ZNF714: variants seen among roughly 807,000 people sequenced by gnomAD.
ZNF714 encodes the protein zinc finger protein 714.
ZNF714 carries 32 observed loss-of-function variants against 46.2 expected under a neutral mutation model. The observed-to-expected ratio is 0.69, with a 90% CI of 0.52 to 0.93. The LOEUF is 0.93. Ranked by LOEUF, ZNF714 falls within the 40% of genes least tolerant of loss-of-function variation. ZNF714 has a pLI of 0.00. For synonymous variants in ZNF714, 199 were observed against 213.1 expected, an observed-to-expected ratio of 0.93 and a Z score of 0.58; for missense variants, 635 against 646.3, an observed-to-expected ratio of 0.98 and a Z score of 0.19.
intron 2 of ZNF714, among the ~76,000 whole-genome samples, chr19:21,096,804 G>T (rs1202772139): frequency 6.6e-6 from 1 of 152,128 alleles, no homozygotes; most frequent in Admixed American, 6.6e-5. Context: ...TTCTCCATTA[G>T]CTCTATGCAG....
rs554446762 is a variant in ZNF714 at position 21,118,056 on chromosome 19, A to T, written c.1392A>T (p.Arg464=). ...AAGAATGTGGCAAAGCTTTCAACCG[A>T]TCCTCAAACCTTACTAAACATAACA... is the stretch of plus-strand genomic sequence containing the variant. ...KCEECGKAFN[R]SSNLTKHNII... is the part of the protein sequence containing the mutation. The change falls in exon 5 of 5, where the codon CGA becomes CGT. Residue 464 remains arginine, a synonymous_variant. Coordinates refer to ENST00000456283, the MANE Select transcript of ZNF714 (RefSeq NM_182515.4). 1.2e-6 allele frequency: 2 copies of T among 1,613,688 alleles called. No individual in the cohort carries two copies. The highest frequency in any genetic ancestry group is 1.3e-5 in the African/African-American group (1 of 74,874).
intron 4 of ZNF714, among the ~76,000 whole-genome samples, chr19:21,103,562 A>C (rs1969238920): frequency 6.6e-6 from 1 of 152,058 alleles, no homozygotes; most frequent in Admixed American, 6.6e-5. Context: ...CAAAAAAATG[A>C]GAAGAAAAAA....
At chr19:21,093,002 C>A (rs112574014) in intron 2 of ZNF714, among the ~76,000 whole-genome samples, 1 of 149,932 alleles carries the variant, frequency 6.7e-6, no homozygotes, top group Non-Finnish European at 1.5e-5. Flanking sequence ...CTCCGCCTCC[C>A]GGGTTCATGC....
intron 4 of ZNF714, among the ~76,000 whole-genome samples, chr19:21,106,259 A>AAAAT (rs1186089280): frequency 6.6e-6 from 1 of 151,300 alleles, no homozygotes; most frequent in Admixed American, 6.6e-5. Context: ...CGTCACTCCA[A>AAAAT]AAATAAATAA....
chr19:21,106,807 G>T lies in ZNF714; in HGVS notation c.142+7897G>T, dbSNP rs116911213. Among the ~76,000 whole-genome samples the T allele has an allele frequency of 4.8e-4, 73 of 151,826 alleles. No individual in the cohort carries two copies. The East Asian group carries it at 0.014, about 28-fold the overall frequency. ...TTTGTGTCAGTACCATACTGTTTTTGTTATTTTAGCTTATTTATGTATGTA... is the reference window on the plus strand; with the variant it reads ...TTTGTGTCAGTACCATACTGTTTTTTTTATTTTAGCTTATTTATGTATGTA... On this transcript the variant is annotated intron_variant, in intron 4 of 4. Coordinates refer to ENST00000456283, the MANE Select transcript of ZNF714 (RefSeq NM_182515.4).
Position 21,098,796 on chromosome 19 carries a change from T to C in ZNF714, c.44-16T>C. On this transcript the variant is annotated splice_polypyrimidine_tract_variant and intron_variant, in intron 3 of 4. Coordinates refer to ENST00000456283, the MANE Select transcript of ZNF714 (RefSeq NM_182515.4). The stretch of plus-strand genomic sequence containing the variant: ...GAGAATATAAGCAAGATTTATGCTA[T>C]TTACTTTTAATAAAGCAGGTATTGC... 1 of 1,585,904 alleles carries C rather than the reference T, an allele frequency of 6.3e-7. No homozygotes were observed. Among genetic ancestry groups the C allele is most frequent in the East Asian group, 2.2e-5 (1 of 44,658 alleles).
chr19:21,102,469 C>T (rs9304981), intron 4 of ZNF714, among the ~76,000 whole-genome samples: 104,503 of 152,028 alleles, frequency 0.69, 37,071 homozygotes, highest in Middle Eastern at 0.86. Context: ...AGGCTCTAAC[C>T]CTATTTTGAA....
intron 4 of ZNF714, among the ~76,000 whole-genome samples, chr19:21,101,334 G>T (rs1302491382): frequency 6.6e-6 from 1 of 152,148 alleles, no homozygotes; most frequent in Non-Finnish European, 1.5e-5. Context: ...GTGAAGAGGG[G>T]TTGTAGCTTG....
At chr19:21,085,698 C>T (rs1042656726) in intron 2 of ZNF714, among the ~76,000 whole-genome samples, 3 of 152,196 alleles carry the variant, frequency 2.0e-5, no homozygotes, top group African/African-American at 7.2e-5. Flanking sequence ...GATGTCCAGT[C>T]TGCTCACCCC....
intron 4 of ZNF714, among the ~76,000 whole-genome samples, chr19:21,107,212 A>G (rs912473996): frequency 3.3e-5 from 5 of 151,030 alleles, no homozygotes; most frequent in African/African-American, 1.2e-4. Context: ...ATAGTTCCAA[A>G]TCAAATTTTT....
chr19:21,104,239 G>A (rs974811192), intron 4 of ZNF714, among the ~76,000 whole-genome samples: 3 of 43,436 alleles, frequency 6.9e-5, no homozygotes, highest in African/African-American at 1.1e-4. Flanking sequence ...TTTGATTTCT[G>A]TGATATTGGA....
Position 21,103,746 on chromosome 19 carries a change from A to G in ZNF714, c.142+4836A>G, listed in dbSNP as rs116656589. Among the ~76,000 whole-genome samples, 1,097 of 152,030 alleles carry G rather than the reference A, an allele frequency of 7.2e-3. 16 individuals are homozygous for G. The highest frequency in any genetic ancestry group is 0.026 in the African/African-American group (1,072 of 41,478). ...TTCCCTCTCTACAAAAATTTTTTAA[A>G]ATATCCAGGCATGTTAGTGTGCACC... On this transcript the variant is annotated intron_variant, in intron 4 of 4. Coordinates refer to ENST00000456283, the MANE Select transcript of ZNF714 (RefSeq NM_182515.4).
At chr19:21,101,685 G>T (rs539623711) in intron 4 of ZNF714, among the ~76,000 whole-genome samples, 22 of 152,276 alleles carry the variant, frequency 1.4e-4, no homozygotes, top group Admixed American at 1.4e-3. Context: ...AGGCCTGTAG[G>T]CCTGTCTGCA....
chr19:21,082,360 G>A lies in ZNF714; in HGVS notation c.-177+12G>A, dbSNP rs746135075. ...GAAGCCTAGAAATGGTGAGAGTGCCGGGTCCGACATCCCGAGAGAGGGGAA... is the reference window on the plus strand; with the variant it reads ...GAAGCCTAGAAATGGTGAGAGTGCCAGGTCCGACATCCCGAGAGAGGGGAA... On this transcript the variant is annotated intron_variant, in intron 1 of 4. Coordinates refer to ENST00000456283, the MANE Select transcript of ZNF714 (RefSeq NM_182515.4). 6.9e-7 allele frequency: 1 copy of A among 1,459,118 alleles called. No homozygotes were observed. 90.4% of individuals were successfully genotyped at this position (1,459,118 alleles called of 1,614,324 possible).
At chr19:21,087,134 CAA>C (rs1336967356) in intron 2 of ZNF714, among the ~76,000 whole-genome samples, 1 of 141,780 alleles carries the variant, frequency 7.1e-6, no homozygotes, top group African/African-American at 2.7e-5. Context: ...GAACATCTGT[CAA>C]AGTCTTAAGT....
chr19:21,117,957 C>T lies in ZNF714; in HGVS notation c.1293C>T (p.Gly431=). Reference sequence around the variant, plus strand: ...AACTCTACAAATGTGAAGAATGTGGCAAAGCTTTTAACCGATCCTCAAACC... The same window carrying T: ...AACTCTACAAATGTGAAGAATGTGGTAAAGCTTTTAACCGATCCTCAAACC... ...GEKLYKCEEC[G]KAFNRSSNLT... The change falls in exon 5 of 5, where the codon GGC becomes GGT. Residue 431 remains glycine (G), a synonymous_variant. Coordinates refer to ENST00000456283, the MANE Select transcript of ZNF714 (RefSeq NM_182515.4). 6.2e-7 allele frequency: 1 copy of T among 1,613,114 alleles called. No homozygotes were observed. The highest frequency in any genetic ancestry group is 8.5e-7 in the Non-Finnish European group (1 of 1,179,840).
chr19:21,103,171 A>G (rs565545219), intron 4 of ZNF714, among the ~76,000 whole-genome samples: 1 of 139,820 alleles, frequency 7.2e-6, no homozygotes, highest in African/African-American at 2.6e-5. Flanking sequence ...TGTGAGAGAA[A>G]CACTTTTTGT....
At chr19:21,105,456 T>C (rs1969288039) in intron 4 of ZNF714, among the ~76,000 whole-genome samples, 1 of 152,104 alleles carries the variant, frequency 6.6e-6, no homozygotes, top group Non-Finnish European at 1.5e-5. Flanking sequence ...ACATTTTCAG[T>C]CTATTGAATT....
intron 2 of ZNF714, among the ~76,000 whole-genome samples, chr19:21,090,695 C>T (rs1035953915): frequency 6.6e-6 from 1 of 151,818 alleles, no homozygotes; most frequent in South Asian, 2.1e-4. Flanking sequence ...TCTTGGATCT[C>T]GCTCAAGAAA....
Sources: gnomAD v4.1 joint callset for allele counts (sites outside exome capture counted in the v4.1 genomes callset) on GRCh38, gnomAD v4.1.1 for gene constraint, MANE v1.5 for transcripts, NCBI Gene and HGNC (gene_info 2026-07-23, HGNC 2026-07-21) for gene names.